Variants in ENTPD5 observed in about 807,000 individuals in gnomAD.
The protein encoded by ENTPD5 is nucleoside diphosphate phosphatase ENTPD5.
In ENTPD5, 49 loss-of-function variants were observed where a neutral mutation model predicts 60.2. That is an observed-to-expected ratio of 0.81 (90% confidence interval 0.65 to 1.03). The LOEUF (loss-of-function observed/expected upper bound fraction) is 1.03. Ranked by LOEUF, ENTPD5 falls within the 50% of genes least tolerant of loss-of-function variation. ENTPD5 has a pLI of 0.00. For synonymous variants in ENTPD5, 187 were observed against 185.4 expected, an observed-to-expected ratio of 1.01 and a Z score of -0.07; for missense variants, 480 against 507.6, an observed-to-expected ratio of 0.95 and a Z score of 0.52.
At chr14:73,999,635 T>A (rs2140768391) in intron 3 of ENTPD5, among the ~76,000 whole-genome samples, 1 of 145,918 alleles carries the variant, frequency 6.9e-6, no homozygotes, top group African/African-American at 2.6e-5. Flanking sequence ...CTACTAAATA[T>A]ACAAAAATTA....
intron 8 of ENTPD5, 69 bp downstream of exon 8, chr14:73,976,955 G>T (rs2057468775): frequency 7.7e-7 from 1 of 1,301,226 alleles, no homozygotes; most frequent in African/African-American, 1.5e-5. Context: ...GAAAGAAAAG[G>T]CTTTTACTCC....
chr14:73,959,833 G>T, downstream of ENTPD5: 1 of 1,307,844 alleles, frequency 7.6e-7, no homozygotes, highest in East Asian at 3.5e-5. Flanking sequence ...GCCTCCCAAA[G>T]TGCTGGGATT....
chr14:73,961,319 T>C, downstream of ENTPD5: 1 of 1,614,202 alleles, frequency 6.2e-7, no homozygotes, highest in Non-Finnish European at 8.5e-7. Flanking sequence ...GAGTTCTGTT[T>C]CCTCTTGGGT....
chr14:74,003,577 G>T, intron 3 of ENTPD5: 1 of 619,698 alleles, frequency 1.6e-6, no homozygotes, highest in Non-Finnish European at 2.9e-6. Context: ...CTATTGTGTA[G>T]AGCTTGTCTC....
downstream of ENTPD5, chr14:73,955,768 C>CT (rs1054667115): frequency 6.2e-7 from 1 of 1,613,994 alleles, no homozygotes; most frequent in Non-Finnish European, 8.5e-7. Flanking sequence ...ATGTTTCCCT[C>CT]TTGGTTTTAA....
In ENTPD5 at chr14:73,988,189, A is replaced by T; in HGVS notation, c.-70-17T>A. ...CTGCAGAGGCTTATAGGACAAAGAC[A>T]CACAAGTTAGACCAACTAGCTTTTT... On this transcript the variant is annotated splice_polypyrimidine_tract_variant and intron_variant, in intron 3 of 15. Coordinates refer to ENST00000334696, the MANE Select transcript of ENTPD5 (RefSeq NM_001249.5). 3 of 1,491,904 alleles carry T rather than the reference A, an allele frequency of 2.0e-6. No individual in the cohort carries two copies. The highest frequency in any genetic ancestry group is 2.7e-6 in the Non-Finnish European group (3 of 1,119,722). The allele number at this position is 1,491,904 out of a possible 1,614,324, so 92.4% of individuals were successfully genotyped here. A position where few individuals can be genotyped will look rare whatever the true frequency, so the allele number is the denominator to read the frequency against.
intron 6 of ENTPD5, among the ~76,000 whole-genome samples, chr14:73,978,500 C>T (rs1330140050): frequency 1.3e-5 from 2 of 151,992 alleles, no homozygotes; most frequent in South Asian, 2.1e-4. Context: ...ACCTGGGAGG[C>T]TGAGGTAGGA....
At chr14:73,955,410 C>T, downstream of ENTPD5, 3 of 1,548,474 alleles carry the variant, frequency 1.9e-6, no homozygotes, top group South Asian at 2.2e-5. Flanking sequence ...AGCCCAGGTC[C>T]TTGTGAAGTC....
chr14:73,959,082 A>G, downstream of ENTPD5: 1 of 1,614,190 alleles, frequency 6.2e-7, no homozygotes. Context: ...ATCAGAGGTA[A>G]GATCCTGAGC....
Position 73,991,374 on chromosome 14 carries a change from G to A in ENTPD5, c.-70-3202C>T, listed in dbSNP as rs140448903. ...AGGCCAATGCTGGCGGATCACTTGA[G>A]GTTAGGAGTTTGAGATCAGCCTGGC... On this transcript the variant is annotated intron_variant, in intron 3 of 15. Transcript: ENST00000334696. Among the ~76,000 whole-genome samples, 538 of 152,172 alleles carry A rather than the reference G, an allele frequency of 3.5e-3. 5 individuals are homozygous for A. The highest frequency in any genetic ancestry group is 0.01 in the Middle Eastern group (3 of 294).
chr14:73,957,748 T>A (rs2056510970), downstream of ENTPD5, among the ~76,000 whole-genome samples: 1 of 152,332 alleles, frequency 6.6e-6, no homozygotes, highest in Middle Eastern at 3.4e-3. Flanking sequence ...GTATTGTTTT[T>A]ATGACCAGAA....
At chr14:73,957,930 T>C, downstream of ENTPD5, 3 of 521,968 alleles carry the variant, frequency 5.7e-6, no homozygotes, top group Non-Finnish European at 1.0e-5. Context: ...TCTGACAGAG[T>C]TCACTGAGAA....
At chr14:73,989,764 C>T (rs1307940556) in intron 3 of ENTPD5, among the ~76,000 whole-genome samples, 1 of 141,524 alleles carries the variant, frequency 7.1e-6, no homozygotes, top group Non-Finnish European at 1.5e-5. Context: ...ACCCGGGAGG[C>T]AGAGGTTGTA....
intron 1 of ENTPD5, 22 bp from the exon 2 acceptor site, chr14:74,015,952 A>C (rs1042757350): frequency 2.6e-5 from 4 of 152,178 alleles, no homozygotes; most frequent in African/African-American, 9.7e-5. Context: ...AAGAATTACA[A>C]AACCAAGTCA....
intron 14 of ENTPD5, among the ~76,000 whole-genome samples, chr14:73,971,471 G>C (rs2057223190): frequency 6.6e-6 from 1 of 151,972 alleles, no homozygotes; most frequent in South Asian, 2.1e-4. Flanking sequence ...AAAACCTCTT[G>C]TATTCCCATA....
chr14:73,963,198 C>A (rs1315897819), downstream of ENTPD5: 7 of 613,842 alleles, frequency 1.1e-5, no homozygotes, highest in South Asian at 1.5e-4. Flanking sequence ...TTAGCCAGAC[C>A]AAAGGAAAAA....
At chr14:74,016,937 T>C (rs576959734) in intron 1 of ENTPD5, among the ~76,000 whole-genome samples, 1 of 152,338 alleles carries the variant, frequency 6.6e-6, no homozygotes, top group African/African-American at 2.4e-5. Flanking sequence ...CTTTATAGAT[T>C]TTACATCAGA....
intron 15 of ENTPD5, among the ~76,000 whole-genome samples, chr14:73,968,076 A>G (rs919662335): frequency 6.6e-6 from 1 of 152,082 alleles, no homozygotes; most frequent in African/African-American, 2.4e-5. Context: ...GTGAGCTGAG[A>G]TTGCACCATT....
chr14:73,999,062 C>A (rs1486096177), intron 3 of ENTPD5, among the ~76,000 whole-genome samples: 4 of 152,148 alleles, frequency 2.6e-5, no homozygotes, highest in African/African-American at 9.7e-5. Context: ...CTAATGCTTA[C>A]TGATGCCTAC....
Sources: gnomAD v4.1 joint callset for allele counts (sites outside exome capture counted in the v4.1 genomes callset) on GRCh38, gnomAD v4.1.1 for gene constraint, MANE v1.5 for transcripts, NCBI Gene and HGNC (gene_info 2026-07-23, HGNC 2026-07-21) for gene names.